The following BPIFB4 variants were observed in gnomAD, a reference collection of about 807,000 sequenced individuals.
BPIFB4 encodes the protein BPI fold containing family B member 4, also known as BPI fold-containing family B member 4.
BPIFB4 carries 62 observed loss-of-function variants against 69.2 expected under a neutral mutation model. The observed-to-expected ratio is 0.90, with a 90% CI of 0.73 to 1.11. The LOEUF is 1.11. BPIFB4 is among the 50% of genes least tolerant of loss of function. The pLI is 0.00. For missense variants in BPIFB4, 789 were observed against 792.0 expected (o/e 1.00, Z 0.04); for synonymous variants, 330 against 332.7 (o/e 0.99, Z 0.09).
chr20:33,082,809 T>A, intron 3 of BPIFB4, 129 bp from the exon 4 acceptor site: 1 of 889,068 alleles, frequency 1.1e-6, no homozygotes, highest in Non-Finnish European at 1.8e-6. Context: ...GTCATCCCGT[T>A]CAGCCTCTGC....
chr20:33,092,370 A>T (rs994349265), intron 10 of BPIFB4, 88 bp from the exon 11 acceptor site: 1 of 1,264,498 alleles, frequency 7.9e-7, no homozygotes, highest in Non-Finnish European at 1.1e-6. Flanking sequence ...GGCTGCCTGG[A>T]GGCAGATTCA....
At chr20:33,086,661 G>T (rs761932463) in intron 7 of BPIFB4, among the ~76,000 whole-genome samples, 1 of 152,190 alleles carries the variant, frequency 6.6e-6, no homozygotes, top group African/African-American at 2.4e-5. Context: ...ATGAACGTAC[G>T]TCCAACAGGG....
rs967598442 is a variant in BPIFB4 at position 33,087,322 on chromosome 20, T to C, written c.926+1158T>C. Reference sequence around the variant, plus strand: ...ATCTCTCAATTCTCCTTCCAGTTTCTTTGTACACATGAAACAAATATGAAC... The same window carrying C: ...ATCTCTCAATTCTCCTTCCAGTTTCCTTGTACACATGAAACAAATATGAAC... On this transcript the variant is annotated intron_variant, in intron 7 of 17. Transcript: ENST00000375483. 2.6e-5 allele frequency among the ~76,000 whole-genome samples: 4 copies of C among 152,352 alleles called. No individual in the cohort carries two copies. In the East Asian group the frequency reaches 7.7e-4, roughly 29 times the overall value.
chr20:33,095,164 T>C lies in BPIFB4; in HGVS notation c.1398+11T>C. 4 of 1,599,878 alleles carry C rather than the reference T, an allele frequency of 2.5e-6. No individual in the cohort carries two copies. The highest frequency in any genetic ancestry group is 3.4e-6 in the Non-Finnish European group (4 of 1,167,062). ...GCCCTGATCCCCAAGGTATGTAAGGTGGGCAGGTCCCATTGCCTTCAGCCT... is the reference window on the plus strand; with the variant it reads ...GCCCTGATCCCCAAGGTATGTAAGGCGGGCAGGTCCCATTGCCTTCAGCCT... On this transcript the variant is annotated intron_variant, in intron 12 of 17. Transcript: ENST00000375483.
At chr20:33,106,413 C>T (rs985037032) in intron 16 of BPIFB4, among the ~76,000 whole-genome samples, 2 of 148,184 alleles carry the variant, frequency 1.3e-5, no homozygotes, top group Admixed American at 6.8e-5. Context: ...CACTCTGTGG[C>T]CCAGGCTAGA....
intron 17 of BPIFB4, among the ~76,000 whole-genome samples, chr20:33,109,089 T>A (rs1982159819): frequency 1.3e-5 from 2 of 152,150 alleles, no homozygotes; most frequent in Non-Finnish European, 2.9e-5. Flanking sequence ...TCCCCTGCCT[T>A]GGCCCAGTCT....
rs184983970 is a variant in BPIFB4 at position 33,088,005 on chromosome 20, G to A, written c.927-961G>A. The stretch of plus-strand genomic sequence containing the variant: ...CAGGCAGGGTTCGGTGGCGAGGGAC[G>A]GAGTGAAGTTCTCAAGAGGTCCGGC... On this transcript the variant is annotated intron_variant, in intron 7 of 17. Coordinates refer to ENST00000375483, the MANE Select transcript of BPIFB4 (RefSeq NM_182519.3). 1.4e-3 allele frequency among the ~76,000 whole-genome samples: 207 copies of A among 152,242 alleles called. 1 individual carries two copies. The highest frequency in any genetic ancestry group is 4.4e-3 in the African/African-American group (184 of 41,532).
intron 11 of BPIFB4, 81 bp downstream of exon 11, chr20:33,092,739 G>A (rs2146408555): frequency 1.5e-6 from 2 of 1,369,198 alleles, no homozygotes; most frequent in Non-Finnish European, 2.0e-6. Context: ...ACAGACTTGG[G>A]GAATTTGCTG....
rs185935013 is a variant in BPIFB4, at chr20:33,098,660, G to A, written c.1569+873G>A. ...CTCGGGAGGCTGAGGCACGAGAATC[G>A]CTTGAACCTGGGAGGCGGAGGCTGC... On this transcript the variant is annotated intron_variant, in intron 13 of 17. Transcript: ENST00000375483. Among the ~76,000 whole-genome samples the A allele has an allele frequency of 3.3e-5, 5 of 150,688 alleles. No individual in the cohort carries two copies. In the East Asian group the frequency reaches 7.8e-4, roughly 24 times the overall value.
rs775988803 is a variant in BPIFB4 at position 33,086,085 on chromosome 20, G to A, written c.847G>A (p.Asp283Asn). Residue 283 changes from aspartate (D) to asparagine (N), a missense_variant, in exon 7 of 18, where the codon GAC (aspartate) becomes AAC (asparagine). By Grantham distance (23) the Asp-to-Asn change is conservative. This residue lies in a region of BPIFB4 where 611 missense variants were observed against 575.4 expected (regional missense o/e 1.06). Coordinates refer to ENST00000375483, the MANE Select transcript of BPIFB4 (RefSeq NM_182519.3). The stretch of plus-strand genomic sequence containing the variant: ...CACAGCCAAGGTCCGGCTGACCATG[G>A]ACCGCACGGGTTATCCTCGGCTGGT... ...NITAKVRLTM[D>N]RTGYPRLVIE... 5.0e-6 allele frequency: 8 copies of A among 1,613,532 alleles called. No individual in the cohort carries two copies. Among genetic ancestry groups the A allele is most frequent in the Non-Finnish European group, 6.8e-6 (8 of 1,179,572 alleles).
chr20:33,103,648 A>T (rs1001556971), intron 15 of BPIFB4, among the ~76,000 whole-genome samples: 12 of 151,508 alleles, frequency 7.9e-5, no homozygotes, highest in Non-Finnish European at 1.3e-4. Context: ...GCTTTTTATA[A>T]ATTGACAACT....
chr20:33,080,160 C>T (rs1382995616), intron 1 of BPIFB4, among the ~76,000 whole-genome samples: 1 of 150,510 alleles, frequency 6.6e-6, no homozygotes, highest in Non-Finnish European at 1.5e-5. Flanking sequence ...TAATATTCTT[C>T]TGGGAGCAGA....
rs750460590 is a variant in BPIFB4 at position 33,092,672 on chromosome 20, C to A, written c.1344+14C>A. ...ACCAATGGCATGGTGAGTCACAGCC[C>A]CACCAGGGGGAGGTGGCTGGGCAGC... On this transcript the variant is annotated intron_variant, in intron 11 of 17. Transcript: ENST00000375483. 6.3e-7 allele frequency: 1 copy of A among 1,599,764 alleles called. No individual in the cohort carries two copies. The highest frequency in any genetic ancestry group is 2.2e-5 in the East Asian group (1 of 44,806).
chr20:33,110,200 T>C (rs1055449907), intron 17 of BPIFB4, among the ~76,000 whole-genome samples: 1 of 152,230 alleles, frequency 6.6e-6, no homozygotes, highest in Admixed American at 6.5e-5. Context: ...TTTAGAGTCC[T>C]CCAAGGTGGG....
intron 14 of BPIFB4, 144 bp from the exon 15 acceptor site, chr20:33,102,828 G>C: frequency 3.6e-6 from 3 of 837,336 alleles, no homozygotes; most frequent in Middle Eastern, 2.3e-4. Flanking sequence ...GCATGTGAGA[G>C]CCAGCATTGT....
intron 7 of BPIFB4, among the ~76,000 whole-genome samples, chr20:33,087,860 C>T (rs920722403): frequency 2.0e-5 from 3 of 151,944 alleles, no homozygotes; most frequent in African/African-American, 7.2e-5. Flanking sequence ...AAAGGGGGAC[C>T]GAAATGCATA....
chr20:33,104,239 A>T (rs1263042822), intron 15 of BPIFB4, among the ~76,000 whole-genome samples: 1 of 152,216 alleles, frequency 6.6e-6, no homozygotes, highest in East Asian at 1.9e-4. Flanking sequence ...TGTGGAAACC[A>T]AGGCTTAGAG....
chr20:33,083,079 G>A (rs1981286185), intron 4 of BPIFB4, 79 bp downstream of exon 4: 8 of 1,372,558 alleles, frequency 5.8e-6, no homozygotes, highest in Non-Finnish European at 8.2e-6. Context: ...GGTGGGGGAG[G>A]TGGTCTCCTG....
intron 7 of BPIFB4, among the ~76,000 whole-genome samples, chr20:33,087,924 C>T (rs1981482296): frequency 6.6e-6 from 1 of 152,128 alleles, no homozygotes; most frequent in South Asian, 2.1e-4. Flanking sequence ...AAATTCTTTG[C>T]TTTGCTGAAT....
Sources: gnomAD v4.1 joint callset for allele counts (sites outside exome capture counted in the v4.1 genomes callset) on GRCh38, gnomAD v4.1.1 for gene constraint, gnomAD v4.1.1 regional missense constraint, MANE v1.5 for transcripts, NCBI Gene and HGNC (gene_info 2026-07-23, HGNC 2026-07-21) for gene names.